HHAT: variants seen among roughly 807,000 people sequenced by gnomAD.
The protein encoded by HHAT is hedgehog acyltransferase, also known as protein-cysteine N-palmitoyltransferase HHAT.
HHAT carries 47 observed loss-of-function variants against 70.8 expected under a neutral mutation model. The observed-to-expected ratio is 0.66, with a 90% confidence interval of 0.53 to 0.85. HHAT has a LOEUF of 0.85. Ranked by LOEUF, HHAT falls within the 40% of genes least tolerant of loss-of-function variation. The pLI is 0.00. For missense variants in HHAT, 609 were observed against 604.8 expected (o/e 1.01, Z -0.07); for synonymous variants, 228 against 247.6 (o/e 0.92, Z 0.74).
intron 9 of HHAT, among the ~76,000 whole-genome samples, chr1:210,528,218 G>A (rs1283351809): frequency 6.6e-6 from 1 of 152,232 alleles, no homozygotes. Context: ...CCCAGGGGTG[G>A]TGCAGGGGCT....
At chr1:210,386,384 G>A (rs12562511) in intron 3 of HHAT, among the ~76,000 whole-genome samples, 8,253 of 147,592 alleles carry the variant, frequency 0.056, 808 homozygotes, top group African/African-American at 0.2. Context: ...GACTACAGGC[G>A]CCCGCCACTA....
Position 210,329,058 on chromosome 1 carries a change from C to A in HHAT, c.-90C>A, listed in dbSNP as rs976598067. The A allele has an allele frequency of 4.2e-6, 6 of 1,429,272 alleles. No individual in the cohort carries two copies. In the African/African-American group the frequency reaches 5.9e-5, roughly 14 times the overall value. 88.5% of individuals were successfully genotyped at this position (1,429,272 alleles called of 1,614,324 possible). A position where few individuals can be genotyped will look rare whatever the true frequency, so the allele number is the denominator to read the frequency against. ...CCGAAAGAGGGGTGTTGGGAACTCG[C>A]GGCGCGCGTGAACGTTGCCGTCGCC... On this transcript the variant is annotated 5_prime_UTR_variant, in exon 1 of 12. Transcript: ENST00000261458.
rs529758075 is a variant in HHAT at position 210,527,604 on chromosome 1, A to C, written c.1043+14416A>C. Among the ~76,000 whole-genome samples, 8 of 152,254 alleles carry C rather than the reference A, an allele frequency of 5.3e-5. No individual in the cohort carries two copies. The East Asian group carries it at 1.5e-3, about 29-fold the overall frequency. Reference sequence around the variant, plus strand: ...TGGCAACACCTTTAAAAAAATAAATAAATAAGGGAAATGAGTGATTCTGCT... The same window carrying C: ...TGGCAACACCTTTAAAAAAATAAATCAATAAGGGAAATGAGTGATTCTGCT... On this transcript the variant is annotated intron_variant, in intron 9 of 11. Transcript: ENST00000261458.
At chr1:210,387,890 C>G (rs1297159452) in intron 4 of HHAT, among the ~76,000 whole-genome samples, 1 of 152,154 alleles carries the variant, frequency 6.6e-6, no homozygotes, top group Non-Finnish European at 1.5e-5. Flanking sequence ...GGTTGAGAAT[C>G]TGGATGAGTT....
chr1:210,389,396 G>A (rs909335812), intron 4 of HHAT, among the ~76,000 whole-genome samples: 3 of 152,114 alleles, frequency 2.0e-5, no homozygotes, highest in Non-Finnish European at 2.9e-5. Context: ...TCCCACTCCC[G>A]TGATAACTCA....
In HHAT at chr1:210,336,287, A is replaced by ATTTTTTTTTTTTT. The variant is rs541795412; in HGVS notation, c.-44+7194_-44+7206dup. The stretch of plus-strand genomic sequence containing the variant: ...AGGCATGCACCACTGTGCCTGGCTA[A>ATTTTTTTTTTTTT]TTTTTTTTTTTTTTTTTTTTTTTAG... On this transcript the variant is annotated intron_variant, in intron 1 of 11. Coordinates refer to ENST00000261458, the MANE Select transcript of HHAT (RefSeq NM_018194.6). Among the ~76,000 whole-genome samples the ATTTTTTTTTTTTT allele has an allele frequency of 4.3e-4, 36 of 84,600 alleles. 6 individuals carry two copies. The highest frequency in any genetic ancestry group is 8.6e-4 in the African/African-American group (19 of 22,098). 55.5% of individuals were successfully genotyped at this position (84,600 alleles called of 152,430 possible).
chr1:210,429,682 C>T (rs1241773010), intron 7 of HHAT, among the ~76,000 whole-genome samples: 1 of 151,742 alleles, frequency 6.6e-6, no homozygotes, highest in Non-Finnish European at 1.5e-5. Context: ...GTGGTCCCCC[C>T]TGTTTGCATT....
chr1:210,482,634 C>CAT (rs1179630931), intron 8 of HHAT, among the ~76,000 whole-genome samples: 1 of 152,134 alleles, frequency 6.6e-6, no homozygotes, highest in Non-Finnish European at 1.5e-5. Context: ...AGATTGCCTG[C>CAT]ATGAAGATAT....
Position 210,587,256 on chromosome 1 carries a change from G to A in HHAT, c.1044-642G>A, listed in dbSNP as rs544545630. On this transcript the variant is annotated intron_variant, in intron 9 of 11. Coordinates refer to ENST00000261458, the MANE Select transcript of HHAT (RefSeq NM_018194.6). ...ATTCACATTTCCACATGGCTGGGGA[G>A]GCCTCACAATCATGGCAGAAGGTGA... is the stretch of plus-strand genomic sequence containing the variant. Among the ~76,000 whole-genome samples the A allele has an allele frequency of 1.4e-4, 22 of 152,280 alleles. No homozygotes were observed. The South Asian group carries it at 4.6e-3, about 32-fold the overall frequency.
At chr1:210,343,713 C>T (rs1052274744) in intron 1 of HHAT, among the ~76,000 whole-genome samples, 1 of 152,090 alleles carries the variant, frequency 6.6e-6, no homozygotes, top group Admixed American at 6.6e-5. Flanking sequence ...TCCAGGGTGG[C>T]TTTGGATTGG....
chr1:210,576,931 T>G (rs571915891), intron 9 of HHAT, among the ~76,000 whole-genome samples: 29 of 152,294 alleles, frequency 1.9e-4, no homozygotes, highest in Non-Finnish European at 3.5e-4. Flanking sequence ...TTCTTTGTCA[T>G]TCTATTTTAT....
intron 9 of HHAT, among the ~76,000 whole-genome samples, chr1:210,560,649 CAAA>C (rs563941240): frequency 8.0e-6 from 1 of 124,858 alleles, no homozygotes. Flanking sequence ...CCATCTCTAC[CAAA>C]AAAAAAAAAA....
At chr1:210,419,549 G>C (rs1373197651) in intron 7 of HHAT, among the ~76,000 whole-genome samples, 1 of 152,158 alleles carries the variant, frequency 6.6e-6, no homozygotes, top group Non-Finnish European at 1.5e-5. Flanking sequence ...TGATCCTCCA[G>C]GCAGATCAAG....
intron 9 of HHAT, among the ~76,000 whole-genome samples, chr1:210,531,801 C>G (rs1464183697): frequency 1.3e-5 from 2 of 152,148 alleles, no homozygotes; most frequent in Non-Finnish European, 2.9e-5. Context: ...TAAGAAATAT[C>G]GACATAACTG....
At chr1:210,409,184 C>T (rs538936779) in intron 6 of HHAT, among the ~76,000 whole-genome samples, 2 of 152,272 alleles carry the variant, frequency 1.3e-5, no homozygotes, top group African/African-American at 4.8e-5. Flanking sequence ...TTGTTTAATC[C>T]TCACAACCTG....
chr1:210,370,769 C>T (rs1329922699), intron 3 of HHAT, among the ~76,000 whole-genome samples: 1 of 151,966 alleles, frequency 6.6e-6, no homozygotes, highest in Non-Finnish European at 1.5e-5. Flanking sequence ...CATGTGCCAC[C>T]ATGCCCAGCT....
At chr1:210,441,773 AAT>A (rs150604202) in intron 7 of HHAT, among the ~76,000 whole-genome samples, 1 of 152,106 alleles carries the variant, frequency 6.6e-6, no homozygotes, top group South Asian at 2.1e-4. Context: ...ACACACAATA[AAT>A]ATATATATAA....
chr1:210,497,268 C>G (rs1240172794), intron 8 of HHAT, among the ~76,000 whole-genome samples: 2 of 152,128 alleles, frequency 1.3e-5, no homozygotes, highest in Non-Finnish European at 2.9e-5. Flanking sequence ...GGTGTGAAAA[C>G]AAATCTGTTT....
intron 7 of HHAT, among the ~76,000 whole-genome samples, chr1:210,451,119 G>A (rs964373622): frequency 1.3e-4 from 20 of 150,710 alleles, no homozygotes; most frequent in Admixed American, 1.1e-3. Flanking sequence ...GTTGTTTGTA[G>A]CACTATTTGT....
Sources: allele counts gnomAD v4.1 joint callset (sites outside exome capture counted in the v4.1 genomes callset), GRCh38; gene constraint gnomAD v4.1.1; transcripts MANE v1.5; gene names NCBI Gene and HGNC (gene_info 2026-07-23, HGNC 2026-07-21).